The following ATAD3B variants were observed in gnomAD, a reference collection of about 807,000 sequenced individuals.
ATAD3B encodes ATPase family AAA domain-containing protein 3B.
A neutral mutation model predicts 70.2 loss-of-function variants in ATAD3B; 59 were observed. The ratio of observed to expected loss-of-function variants is 0.84; its 90% CI spans 0.68 to 1.04. The LOEUF (loss-of-function observed/expected upper bound fraction) is 1.04, where lower values mean the gene tolerates loss of function less well. Among genes scored for constraint, ATAD3B ranks in the 50% least tolerant of loss-of-function variants. The pLI, the probability that ATAD3B is intolerant of heterozygous loss-of-function variation, is 0.00. For synonymous variants in ATAD3B, 423 were observed against 388.6 expected, an observed-to-expected ratio of 1.09 and a Z score of -1.04; for missense variants, 961 against 913.4, an observed-to-expected ratio of 1.05 and a Z score of -0.67.
Position 1,489,209 on chromosome 1 carries a change from G to A in ATAD3B, c.1272G>A (p.Glu424=), listed in dbSNP as rs1640395065. ...DAFLRKRATE[E]ISKDLRATLN... is the part of the protein sequence containing the mutation. ...CTGGAACCTTCTCTCTGCAGGAGGAGATAAGCAAGGACCTCAGAGCCACAC... is the reference window on the plus strand; with the variant it reads ...CTGGAACCTTCTCTCTGCAGGAGGAAATAAGCAAGGACCTCAGAGCCACAC... Residue 424 remains glutamate, a synonymous_variant, in exon 13 of 16, where the codon GAG becomes GAA. Coordinates refer to ENST00000673477, the MANE Select transcript of ATAD3B (RefSeq NM_031921.6). 1.2e-6 allele frequency: 2 copies of A among 1,613,452 alleles called. No individual in the cohort carries two copies. Among genetic ancestry groups the A allele is most frequent in the Non-Finnish European group, 1.7e-6 (2 of 1,179,630 alleles).
At chr1:1,479,364 G>T in intron 4 of ATAD3B, among the ~76,000 whole-genome samples, 1 of 144,880 alleles carries the variant, frequency 6.9e-6, no homozygotes, top group Middle Eastern at 3.6e-3. Flanking sequence ...CACACTCCCG[G>T]CAGACAGGCA....
chr1:1,499,071 A>G (rs1470125946), downstream of ATAD3B, among the ~76,000 whole-genome samples: 1 of 150,062 alleles, frequency 6.7e-6, no homozygotes, highest in Non-Finnish European at 1.5e-5. Flanking sequence ...TCCCGGGTTC[A>G]CGCCATTCTC....
downstream of ATAD3B, among the ~76,000 whole-genome samples, chr1:1,502,344 A>C (rs1640963408): frequency 6.7e-6 from 1 of 149,522 alleles, no homozygotes; most frequent in Admixed American, 6.7e-5. Context: ...CCTCCTTAGT[A>C]GCTGGGACTA....
rs1250116609 is a variant in ATAD3B at position 1,490,280 on chromosome 1, A to G, written c.1361A>G (p.Asn454Ser). The change falls in exon 14 of 16, where the codon AAT (asparagine) becomes AGT (serine). Residue 454 changes from asparagine (N) to serine (S), a missense_variant. Physicochemically the swap from Asn to Ser is conservative, Grantham distance 46 (BLOSUM62 1). This residue lies in a region of ATAD3B where 417 missense variants were observed against 335.0 expected (regional missense o/e 1.24). Transcript: ENST00000673477. ...SNKFMLVLASNLPEQFDCAIN... is the reference protein window; with the variant it reads ...SNKFMLVLASSLPEQFDCAIN... The stretch of plus-strand genomic sequence containing the variant: ...AGATTCATGCTGGTCCTGGCCAGCA[A>G]TCTGCCTGAGCAGTTCGACTGTGCC... The G allele has an allele frequency of 2.5e-6, 4 of 1,612,912 alleles. No homozygotes were observed. Among genetic ancestry groups the G allele is most frequent in the Non-Finnish European group, 3.4e-6 (4 of 1,179,562 alleles).
At position 1,471,789 on chromosome 1, in the gene ATAD3B, C is replaced by G; in HGVS notation, c.-96C>G. The G allele has an allele frequency of 8.2e-7, 1 of 1,217,844 alleles. No homozygotes were observed. The allele number at this position is 1,217,844 out of a possible 1,614,324, so 75.4% of individuals were successfully genotyped here. A position where few individuals can be genotyped will look rare whatever the true frequency, so the allele number is the denominator to read the frequency against. ...TGTTTCGCCTGCGCAGTGGTCCTGG[C>G]CACCGGCTCGCGGCGCGTGGAGGCT... is the stretch of plus-strand genomic sequence containing the variant. On this transcript the variant is annotated 5_prime_UTR_variant, in exon 1 of 16. Transcript: ENST00000673477.
Position 1,482,243 on chromosome 1 carries a change from T to C in ATAD3B, c.620T>C (p.Ile207Thr). 1 of 1,611,456 alleles carries C rather than the reference T, an allele frequency of 6.2e-7. No individual in the cohort carries two copies. Reference protein sequence around the residue: ...AKAERENADIIREQIRLKASE... With the variant: ...AKAERENADITREQIRLKASE... Reference sequence around the variant, plus strand: ...GCCGAGCGGGAGAATGCAGACATCATCCGCGAGCAGATCCGCCTGAAGGCG... The same window carrying C: ...GCCGAGCGGGAGAATGCAGACATCACCCGCGAGCAGATCCGCCTGAAGGCG... The change falls in exon 6 of 16, where the codon ATC becomes ACC. Residue 207 changes from isoleucine to threonine, a missense_variant. This residue lies in a region of ATAD3B where 349 missense variants were observed against 307.5 expected (regional missense o/e 1.14). Coordinates refer to ENST00000673477, the MANE Select transcript of ATAD3B (RefSeq NM_031921.6).
the ATAD3B span, chr1:1,509,207 C>T: frequency 7.9e-5 from 127 of 1,612,708 alleles, no homozygotes; most frequent in Non-Finnish European, 1.0e-4. Context: ...CCCACTAGGC[C>T]ACGGCGTATG....
At chr1:1,501,929 A>T (rs780127021), downstream of ATAD3B, among the ~76,000 whole-genome samples, 2 of 151,194 alleles carry the variant, frequency 1.3e-5, no homozygotes, top group Non-Finnish European at 2.9e-5. Flanking sequence ...CCGAGGCTGG[A>T]GTATAGTGTC....
intron 12 of ATAD3B, 57 bp from the exon 13 acceptor site, chr1:1,489,147 C>T: frequency 1.2e-6 from 2 of 1,610,734 alleles, no homozygotes; most frequent in Admixed American, 1.7e-5. Context: ...ACTTTCTGCT[C>T]TGGCTGTTTA....
At chr1:1,477,081 G>A (rs1234250392) in intron 1 of ATAD3B, among the ~76,000 whole-genome samples, 193 bp from the exon 2 acceptor site, 1 of 151,716 alleles carries the variant, frequency 6.6e-6, no homozygotes, top group African/African-American at 2.4e-5. Flanking sequence ...TGTGATCTGG[G>A]TGACTGTAGC....
intron 15 of ATAD3B, among the ~76,000 whole-genome samples, chr1:1,494,981 G>GC (rs1640708669): frequency 6.6e-6 from 1 of 152,100 alleles, no homozygotes; most frequent in African/African-American, 2.4e-5. Flanking sequence ...AGTAGCTCCA[G>GC]CCTCCGTGTG....
rs142840431 is a variant in ATAD3B at position 1,486,199 on chromosome 1, T to G, written c.1053T>G (p.Tyr351Ter). The G allele has an allele frequency of 5.0e-6, 8 of 1,612,908 alleles. No individual in the cohort carries two copies. The African/African-American group carries it at 1.1e-4, about 22-fold the overall frequency. ...NRGLYRHILL[Y>*]GPPGTGKTLF... ...GCCTGTACAGGCACATCCTGCTGTA[T>G]GGGCCACCAGGCACCGGGAAGACGC... is the stretch of plus-strand genomic sequence containing the variant. The change falls in exon 10 of 16, where the codon TAT (tyrosine) becomes TAG (stop). Residue 351 changes from tyrosine to a stop codon, truncating the protein, a stop_gained. Transcript: ENST00000673477. LOFTEE classifies it high-confidence loss of function.
At chr1:1,476,853 C>A (rs1462988665) in intron 1 of ATAD3B, among the ~76,000 whole-genome samples, 2 of 151,646 alleles carry the variant, frequency 1.3e-5, no homozygotes, top group Non-Finnish European at 2.9e-5. Flanking sequence ...GTTGCCCCGG[C>A]TGGAGTGCGG....
chr1:1,476,183 G>A (rs891189748), intron 1 of ATAD3B, among the ~76,000 whole-genome samples: 4 of 146,514 alleles, frequency 2.7e-5, no homozygotes, highest in East Asian at 4.5e-4. Context: ...CTACCAAGGC[G>A]CTTCCTGAAA....
chr1:1,473,280 C>T (rs1285693014), intron 1 of ATAD3B, among the ~76,000 whole-genome samples: 8 of 151,184 alleles, frequency 5.3e-5, no homozygotes, highest in Non-Finnish European at 1.2e-4. Flanking sequence ...GCTGGGAGTA[C>T]AGGCGCCCGC....
intron 2 of ATAD3B, 80 bp downstream of exon 2, chr1:1,477,430 G>A (rs1442966102): frequency 5.2e-5 from 83 of 1,600,346 alleles, no homozygotes; most frequent in Admixed American, 8.5e-5. Flanking sequence ...TGCTACTGGT[G>A]GGTAGGGCCA....
At position 1,490,286 on chromosome 1, in the gene ATAD3B, C is replaced by G. The variant is rs748535061; in HGVS notation, c.1367C>G (p.Pro456Arg). The G allele has an allele frequency of 6.2e-7, 1 of 1,613,112 alleles. No homozygotes were observed. Among genetic ancestry groups the G allele is most frequent in the Non-Finnish European group, 8.5e-7 (1 of 1,179,680 alleles). ...KFMLVLASNL[P>R]EQFDCAINSR... ...ATGCTGGTCCTGGCCAGCAATCTGC[C>G]TGAGCAGTTCGACTGTGCCATCAAC... Residue 456 changes from proline to arginine, a missense_variant, in exon 14 of 16, where the codon CCT becomes CGT. Transcript: ENST00000673477.
At chr1:1,473,746 G>T (rs1407491573) in intron 1 of ATAD3B, among the ~76,000 whole-genome samples, 1 of 151,988 alleles carries the variant, frequency 6.6e-6, no homozygotes, top group Non-Finnish European at 1.5e-5. Flanking sequence ...CACCCGCCTC[G>T]ACCTCCCAAA....
At chr1:1,500,935 C>T (rs371871517), downstream of ATAD3B, among the ~76,000 whole-genome samples, 23 of 151,914 alleles carry the variant, frequency 1.5e-4, 1 homozygote, top group East Asian at 1.7e-3. Context: ...GCAGCCTGGG[C>T]GACAGAGTGA....
Sources: allele counts gnomAD v4.1 joint callset (sites outside exome capture counted in the v4.1 genomes callset), GRCh38; gene constraint gnomAD v4.1.1; regional missense constraint gnomAD v4.1.1; transcripts MANE v1.5; gene names NCBI Gene and HGNC (gene_info 2026-07-23, HGNC 2026-07-21).